Variants in TRRAP observed in about 807,000 individuals in gnomAD.
The protein encoded by TRRAP is transformation/transcription domain-associated protein.
Under a neutral mutation model 438.8 loss-of-function variants are expected in TRRAP, and 41 were observed. That is an observed-to-expected ratio of 0.09 (90% CI 0.07 to 0.12). TRRAP has a LOEUF of 0.12. Among genes scored for constraint, TRRAP ranks in the 10% least tolerant of loss-of-function variants. The probability of loss-of-function intolerance (pLI) is 1.00; values close to 1 mark genes in which losing one functional copy is unlikely to be tolerated. For missense variants in TRRAP, 3,122 were observed against 5,055.1 expected (o/e 0.62, Z 11.60); for synonymous variants, 1,994 against 1,962.9 (o/e 1.02, Z -0.42).
At chr7:98,937,333 T>G (rs1489397258) in intron 29 of TRRAP, 56 bp downstream of exon 29, 1 of 1,565,002 alleles carries the variant, frequency 6.4e-7, no homozygotes, top group Admixed American at 2.0e-5. Context: ...CATGTGTGTG[T>G]ACTCTGCATT....
In TRRAP at chr7:98,940,616, A is replaced by G. The variant is rs377010401; in HGVS notation, c.4405-2333A>G. 9.8e-5 allele frequency among the ~76,000 whole-genome samples: 15 copies of G among 152,350 alleles called. No homozygotes were observed. In the East Asian group the frequency reaches 2.3e-3, roughly 24 times the overall value. ...GTGTTCTTTCTGCCTAAAATAAATC[A>G]CATGGGTTTTGTGTTAATGGTTCAT... On this transcript the variant is annotated intron_variant, in intron 30 of 72. Coordinates refer to ENST00000456197, the MANE Select transcript of TRRAP (RefSeq NM_001375524.1).
At chr7:98,883,506 GT>G (rs1480448535) in intron 3 of TRRAP, among the ~76,000 whole-genome samples, 1 of 152,112 alleles carries the variant, frequency 6.6e-6, no homozygotes, top group African/African-American at 2.4e-5. Context: ...ATGTTATCCT[GT>G]TTCTTTGTCT....
intron 53 of TRRAP, among the ~76,000 whole-genome samples, chr7:98,974,030 G>A (rs558773957): frequency 6.6e-6 from 1 of 152,194 alleles, no homozygotes; most frequent in African/African-American, 2.4e-5. Context: ...CCTGCTCTGT[G>A]TCAGGTGATG....
chr7:98,930,991 C>T (rs1790298521), intron 25 of TRRAP, among the ~76,000 whole-genome samples, 161 bp downstream of exon 25: 1 of 152,218 alleles, frequency 6.6e-6, no homozygotes, highest in African/African-American at 2.4e-5. Flanking sequence ...CAGCTCAGAG[C>T]TCCCATAGGC....
chr7:98,962,518 G>C (rs113633349), intron 47 of TRRAP, 91 bp downstream of exon 47: 112 of 1,596,238 alleles, frequency 7.0e-5, no homozygotes, highest in Non-Finnish European at 9.2e-5. Flanking sequence ...AAAGGGCTCC[G>C]GTTGTTGGGC....
chr7:98,920,641 C>T (rs555291644), intron 20 of TRRAP, among the ~76,000 whole-genome samples: 4 of 152,272 alleles, frequency 2.6e-5, no homozygotes, highest in African/African-American at 9.6e-5. Flanking sequence ...TTTCCATAGT[C>T]CTGTAATGGA....
intron 47 of TRRAP, among the ~76,000 whole-genome samples, chr7:98,964,030 G>A (rs1429942009): frequency 1.3e-5 from 2 of 149,654 alleles, no homozygotes; most frequent in East Asian, 2.0e-4. Context: ...GCAGTGAGCC[G>A]AGATTACGCC....
chr7:99,010,630 C>G (rs1230007491), intron 70 of TRRAP, among the ~76,000 whole-genome samples: 5 of 152,136 alleles, frequency 3.3e-5, no homozygotes, highest in Admixed American at 6.5e-5. Flanking sequence ...GTGGTTAGAC[C>G]AGCTCCTTCA....
chr7:98,952,406 G>A (rs964850645), intron 39 of TRRAP, among the ~76,000 whole-genome samples: 36 of 152,226 alleles, frequency 2.4e-4, no homozygotes, highest in Admixed American at 8.5e-4. Flanking sequence ...CAACTACTTG[G>A]AAATTAAGAA....
In TRRAP at chr7:98,976,889, A is replaced by T. The variant is rs544235060; in HGVS notation, c.8248-50A>T. On this transcript the variant is annotated intron_variant, in intron 55 of 72. Coordinates refer to ENST00000456197, the MANE Select transcript of TRRAP (RefSeq NM_001375524.1). The surrounding 1 kb of genome is among the most constrained non-coding windows in gnomAD (Gnocchi z 4.6). The stretch of plus-strand genomic sequence containing the variant: ...CACAGTGAAACTATTTTTAGGGGGG[A>T]AAAAAAGTCTCTGTCTCAAGCACTC... The T allele has an allele frequency of 2.6e-4, 391 of 1,488,776 alleles. 1 individual carries two copies. The highest frequency in any genetic ancestry group is 5.9e-4 in the South Asian group (48 of 80,848). The allele number at this position is 1,488,776 out of a possible 1,614,324, so 92.2% of individuals were successfully genotyped here.
intron 5 of TRRAP, among the ~76,000 whole-genome samples, 154 bp from the exon 6 acceptor site, chr7:98,893,644 T>A (rs1451333612): frequency 6.6e-6 from 1 of 152,240 alleles, no homozygotes; most frequent in Non-Finnish European, 1.5e-5. Context: ...GCACTGAAGC[T>A]TTCTGTCTGG....
rs1174560816 is a variant in TRRAP, at chr7:98,948,136, A to T, written c.4549-85A>T. On this transcript the variant is annotated intron_variant, in intron 33 of 72. Coordinates refer to ENST00000456197, the MANE Select transcript of TRRAP (RefSeq NM_001375524.1). This position sits in a 1 kb window ranked among gnomAD's most constrained non-coding sequence, Gnocchi z 4.9. ...TGCCTAGCCTTGCCAACATAGTTAG[A>T]CTATAGTAGGGTCTGTAGTGACGTT... 3 of 1,579,772 alleles carry T rather than the reference A, an allele frequency of 1.9e-6. No individual in the cohort carries two copies. In the African/African-American group the frequency reaches 4.0e-5, roughly 21 times the overall value.
chr7:98,970,651 T>G (rs1295970532), intron 52 of TRRAP, among the ~76,000 whole-genome samples: 2 of 152,104 alleles, frequency 1.3e-5, no homozygotes, highest in African/African-American at 4.8e-5. Flanking sequence ...CATTCGGTTT[T>G]GAGATGAATC....
chr7:98,906,163 T>A lies in TRRAP; in HGVS notation c.1037-14T>A. On this transcript the variant is annotated splice_polypyrimidine_tract_variant and intron_variant, in intron 12 of 72. Coordinates refer to ENST00000456197, the MANE Select transcript of TRRAP (RefSeq NM_001375524.1). ...TTTTGTTAGTGATCTGTGCAATGGATGTTTGTCTTCTAGAGTTCATTCCTT... is the reference window on the plus strand; with the variant it reads ...TTTTGTTAGTGATCTGTGCAATGGAAGTTTGTCTTCTAGAGTTCATTCCTT... 6.2e-7 allele frequency: 1 copy of A among 1,612,862 alleles called. No individual in the cohort carries two copies. The highest frequency in any genetic ancestry group is 8.5e-7 in the Non-Finnish European group (1 of 1,179,032).
At position 98,953,386 on chromosome 7, in the gene TRRAP, G is replaced by A. The variant is rs782106512; in HGVS notation, c.5683G>A (p.Ala1895Thr). 1 of 1,613,440 alleles carries A rather than the reference G, an allele frequency of 6.2e-7. No individual in the cohort carries two copies. The highest frequency in any genetic ancestry group is 1.1e-5 in the South Asian group (1 of 91,084). Residue 1895 changes from alanine (A) to threonine (T), a missense_variant, in exon 40 of 73, where the codon GCG (alanine) becomes ACG (threonine). Transcript: ENST00000456197. The stretch of plus-strand genomic sequence containing the variant: ...CAAGTACAGCGGACACTTGCTCCTG[G>A]CGCACATTATCGCCAAATTCGCCAT... ...ACKYSGHLLL[A>T]HIIAKFAIHK... is the part of the protein sequence containing the mutation.
chr7:99,012,682 A>T lies in TRRAP; in HGVS notation c.*327A>T. ...TTTTTATGGTGTCCTCCCTCTGTGA[A>T]TGTACAGGCGGAACTGTACGAACAG... On this transcript the variant is annotated 3_prime_UTR_variant, in exon 73 of 73. Transcript: ENST00000456197. The surrounding 1 kb of genome is among the most constrained non-coding windows in gnomAD (Gnocchi z 5.9). 2.7e-6 allele frequency: 1 copy of T among 368,892 alleles called. No homozygotes were observed. Among genetic ancestry groups the T allele is most frequent in the Non-Finnish European group, 5.0e-6 (1 of 201,896 alleles). The allele number at this position is 368,892 out of a possible 1,614,324, so 22.9% of individuals were successfully genotyped here. A position where few individuals can be genotyped will look rare whatever the true frequency, so the allele number is the denominator to read the frequency against.
intron 20 of TRRAP, among the ~76,000 whole-genome samples, chr7:98,918,822 G>A (rs376090880): frequency 6.6e-6 from 1 of 151,960 alleles, no homozygotes; most frequent in Middle Eastern, 3.2e-3. Flanking sequence ...ATGGGAGGCT[G>A]AGACAGGCAG....
chr7:98,974,032 C>T (rs577100409), intron 53 of TRRAP, among the ~76,000 whole-genome samples: 2 of 152,296 alleles, frequency 1.3e-5, no homozygotes, highest in African/African-American at 4.8e-5. Flanking sequence ...TGCTCTGTGT[C>T]AGGTGATGTT....
intron 38 of TRRAP, 130 bp downstream of exon 38, chr7:98,950,392 T>C: frequency 1.8e-6 from 2 of 1,121,032 alleles, no homozygotes; most frequent in South Asian, 1.6e-5. Flanking sequence ...TGCTGTGGCA[T>C]GTGCCTGTAA....
Sources: gnomAD v4.1 joint callset for allele counts (sites outside exome capture counted in the v4.1 genomes callset) on GRCh38, gnomAD v4.1.1 for gene constraint, Gnocchi (gnomAD v3.1) non-coding constraint, MANE v1.5 for transcripts, NCBI Gene and HGNC (gene_info 2026-07-23, HGNC 2026-07-21) for gene names.